CDC42SE2: variants seen among roughly 807,000 people sequenced by gnomAD.
CDC42SE2 encodes the protein CDC42 small effector protein 2.
A neutral mutation model predicts 11.5 loss-of-function variants in CDC42SE2; 3 were observed. The observed-to-expected ratio is 0.26, with a 90% CI of 0.12 to 0.67. CDC42SE2 has a LOEUF of 0.67. CDC42SE2 is among the 30% of genes least tolerant of loss of function. The probability of loss-of-function intolerance (pLI) is 0.80; values close to 1 mark genes in which losing one functional copy is unlikely to be tolerated. For missense variants in CDC42SE2, 82 were observed against 106.8 expected, an observed-to-expected ratio of 0.77 and a Z score of 1.02; for synonymous variants, 33 against 34.8, an observed-to-expected ratio of 0.95 and a Z score of 0.18.
chr5:131,285,972 A>G (rs772567449), intron 1 of CDC42SE2, among the ~76,000 whole-genome samples: 17 of 152,092 alleles, frequency 1.1e-4, no homozygotes, highest in Non-Finnish European at 2.2e-4. Flanking sequence ...TACAAATCTC[A>G]TAAGAGGCTG....
At chr5:131,212,784 A>G in the CDC42SE2 span, among the ~76,000 whole-genome samples, 4 of 152,184 alleles carry the variant, frequency 2.6e-5, no homozygotes, top group Middle Eastern at 3.2e-3. Flanking sequence ...TAGTGGGGTC[A>G]TGTTAAAAGG....
intron 1 of CDC42SE2, among the ~76,000 whole-genome samples, chr5:131,301,902 G>GAAT (rs1380191416): frequency 6.6e-6 from 1 of 152,090 alleles, no homozygotes; most frequent in Non-Finnish European, 1.5e-5. Context: ...GGAGAGAGGG[G>GAAT]AATAACCTGT....
chr5:131,289,380 T>G (rs936433860), intron 1 of CDC42SE2, among the ~76,000 whole-genome samples: 4 of 152,062 alleles, frequency 2.6e-5, no homozygotes, highest in Non-Finnish European at 5.9e-5. Context: ...ATGTCAAGAG[T>G]TTGTAGCATA....
At chr5:131,357,497 A>G (rs549383179) in intron 2 of CDC42SE2, among the ~76,000 whole-genome samples, 1 of 152,310 alleles carries the variant, frequency 6.6e-6, no homozygotes, top group African/African-American at 2.4e-5. Context: ...AAAGGGAGGA[A>G]TTTAATTTCA....
the CDC42SE2 span, among the ~76,000 whole-genome samples, chr5:131,227,290 A>G: frequency 1.3e-5 from 2 of 152,140 alleles, no homozygotes; most frequent in African/African-American, 2.4e-5. Flanking sequence ...TAATAATTAC[A>G]AGATGCAGTC....
chr5:131,302,270 C>G (rs1231014594), intron 1 of CDC42SE2, among the ~76,000 whole-genome samples: 2 of 152,134 alleles, frequency 1.3e-5, no homozygotes, highest in Non-Finnish European at 2.9e-5. Flanking sequence ...ACCTCCGCCT[C>G]CCGGGTTCAA....
chr5:131,282,722 G>A (rs960615617), intron 1 of CDC42SE2, among the ~76,000 whole-genome samples: 1 of 151,940 alleles, frequency 6.6e-6, no homozygotes, highest in African/African-American at 2.4e-5. Flanking sequence ...TCCGCCTCCC[G>A]GGTTCATGCC....
chr5:131,369,256 T>C (rs1749947713), intron 3 of CDC42SE2, among the ~76,000 whole-genome samples: 1 of 152,234 alleles, frequency 6.6e-6, no homozygotes, highest in African/African-American at 2.4e-5. Context: ...TTGATGCAGA[T>C]AGCTAATTTT....
rs1749683756 is a variant in CDC42SE2, at chr5:131,360,779, T to G, written c.54+1232T>G. On this transcript the variant is annotated intron_variant, in intron 3 of 4. Transcript: ENST00000505065. ...GGACTAAATTTTAAAAATATAATTG[T>G]ACACGTAACTCCCAATCTCAAGTGA... Among the ~76,000 whole-genome samples, 5 of 152,184 alleles carry G rather than the reference T, an allele frequency of 3.3e-5. No individual in the cohort carries two copies. The South Asian group carries it at 1.0e-3, about 32-fold the overall frequency.
intron 1 of CDC42SE2, among the ~76,000 whole-genome samples, chr5:131,247,620 GA>G (rs997419336): frequency 4.7e-5 from 7 of 147,994 alleles, no homozygotes; most frequent in Non-Finnish European, 1.0e-4. Flanking sequence ...CTCCGTCTCA[GA>G]AAAAAAAAAT....
chr5:131,381,809 T>C (rs997775877), intron 3 of CDC42SE2, among the ~76,000 whole-genome samples: 22 of 152,276 alleles, frequency 1.4e-4, no homozygotes, highest in African/African-American at 5.1e-4. Context: ...GTTATTCCTC[T>C]GCTTTAAAAC....
At chr5:131,230,877 T>C in the CDC42SE2 span, among the ~76,000 whole-genome samples, 1 of 152,236 alleles carries the variant, frequency 6.6e-6, no homozygotes, top group African/African-American at 2.4e-5. Flanking sequence ...TAATGAATTA[T>C]ATTACAGATT....
chr5:131,379,242 G>GTATC (rs1301441969), intron 3 of CDC42SE2, among the ~76,000 whole-genome samples: 1 of 152,052 alleles, frequency 6.6e-6, no homozygotes, highest in Non-Finnish European at 1.5e-5. Context: ...TATTCACTCT[G>GTATC]TATCTGCTTC....
At chr5:131,237,562 A>AC in the CDC42SE2 span, among the ~76,000 whole-genome samples, 16 of 151,778 alleles carry the variant, frequency 1.1e-4, no homozygotes, top group African/African-American at 3.9e-4. Flanking sequence ...CATACATCAC[A>AC]TTTTTTTTGC....
intron 2 of CDC42SE2, among the ~76,000 whole-genome samples, chr5:131,339,833 A>C (rs1758669267): frequency 6.6e-6 from 1 of 151,908 alleles, no homozygotes; most frequent in Non-Finnish European, 1.5e-5. Context: ...AGAGAGAGAA[A>C]ATTATGATCA....
intron 1 of CDC42SE2, among the ~76,000 whole-genome samples, chr5:131,268,051 A>G (rs369733370): frequency 1.3e-5 from 1 of 78,108 alleles, no homozygotes; most frequent in Non-Finnish European, 2.5e-5. Context: ...GTACATGCTT[A>G]TTCTTTTTTT....
chr5:131,254,195 TC>T (rs1580715668), intron 1 of CDC42SE2, among the ~76,000 whole-genome samples: 2 of 151,894 alleles, frequency 1.3e-5, no homozygotes, highest in East Asian at 1.9e-4. Flanking sequence ...GCCCCGCACC[TC>T]CCCCCAGCAG....
At chr5:131,280,337 A>C (rs1757213131) in intron 1 of CDC42SE2, among the ~76,000 whole-genome samples, 1 of 152,226 alleles carries the variant, frequency 6.6e-6, no homozygotes, top group South Asian at 2.1e-4. Flanking sequence ...TCATGTTTTG[A>C]TGAACATCCT....
chr5:131,219,258 T>C, the CDC42SE2 span, among the ~76,000 whole-genome samples: 1 of 152,330 alleles, frequency 6.6e-6, no homozygotes, highest in Non-Finnish European at 1.5e-5. Flanking sequence ...TATTACATAG[T>C]TGGGGAAAAG....
Sources: gnomAD v4.1 joint callset for allele counts (sites outside exome capture counted in the v4.1 genomes callset) on GRCh38, gnomAD v4.1.1 for gene constraint, MANE v1.5 for transcripts, NCBI Gene and HGNC (gene_info 2026-07-23, HGNC 2026-07-21) for gene names.